PTPRQ: variants seen among roughly 807,000 people sequenced by gnomAD.
The protein encoded by PTPRQ is protein tyrosine phosphatase receptor type Q, also known as phosphatidylinositol phosphatase PTPRQ.
PTPRQ carries 199 observed loss-of-function variants against 246.0 expected under a neutral mutation model. That is an observed-to-expected ratio of 0.81 (90% CI 0.72 to 0.91). PTPRQ has a LOEUF of 0.91. PTPRQ is among the 40% of genes least tolerant of loss of function. The pLI is 0.00. For missense variants in PTPRQ, 2,624 were observed against 2,528.4 expected, an observed-to-expected ratio of 1.04 and a Z score of -0.81; for synonymous variants, 869 against 853.2, an observed-to-expected ratio of 1.02 and a Z score of -0.32.
chr12:80,608,460 T>C (rs1391396407), intron 27 of PTPRQ, among the ~76,000 whole-genome samples: 1 of 150,142 alleles, frequency 6.7e-6, no homozygotes, highest in Non-Finnish European at 1.5e-5. Context: ...TTAAATACTT[T>C]TAAAGATATA....
intron 35 of PTPRQ, among the ~76,000 whole-genome samples, chr12:80,640,988 G>GA (rs1335552558): frequency 6.6e-6 from 1 of 152,156 alleles, no homozygotes; most frequent in African/African-American, 2.4e-5. Flanking sequence ...CTGATGGGTG[G>GA]AAACTATATT....
intron 8 of PTPRQ, among the ~76,000 whole-genome samples, chr12:80,478,543 G>A (rs575108987): frequency 2.6e-5 from 4 of 152,048 alleles, no homozygotes; most frequent in African/African-American, 4.8e-5. Flanking sequence ...CGACTTTGAC[G>A]AGCTGAGAGA....
At position 80,678,652 on chromosome 12, in the gene PTPRQ, G is replaced by A. The variant is rs748297998; in HGVS notation, c.6789G>A (p.Lys2263=). The A allele has an allele frequency of 1.9e-6, 3 of 1,550,374 alleles. No individual in the cohort carries two copies. Among genetic ancestry groups the A allele is most frequent in the South Asian group, 2.4e-5 (2 of 83,944 alleles). ...GCATTCTGGATCTCTTATCAAATAAGGGAAGTAATCAGCCCATCTGTTTTG... is the reference window on the plus strand; with the variant it reads ...GCATTCTGGATCTCTTATCAAATAAAGGAAGTAATCAGCCCATCTGTTTTG... ...HQCILDLLSN[K]GSNQPICFVN... Residue 2263 remains lysine (K), a synonymous_variant, in exon 44 of 45, where the codon AAG becomes AAA. Coordinates refer to ENST00000644991, the MANE Select transcript of PTPRQ (RefSeq NM_001145026.2).
rs1218862025 is a variant in PTPRQ at position 80,510,545 on chromosome 12, A to G, written c.2678+102A>G. ...TTCAGAATGTGGTGCTACATTAGGA[A>G]CCTGATTATTAATAGGCTAGTTAAT... is the stretch of plus-strand genomic sequence containing the variant. On this transcript the variant is annotated intron_variant, in intron 17 of 44. Coordinates refer to ENST00000644991, the MANE Select transcript of PTPRQ (RefSeq NM_001145026.2). The G allele has an allele frequency of 9.2e-6, 11 of 1,193,766 alleles. 1 individual carries two copies. Among genetic ancestry groups the G allele is most frequent in the South Asian group, 8.6e-5 (3 of 35,020 alleles). 73.9% of individuals were successfully genotyped at this position (1,193,766 alleles called of 1,614,324 possible). A position where few individuals can be genotyped will look rare whatever the true frequency, so the allele number is the denominator to read the frequency against.
At chr12:80,454,449 T>G in intron 3 of PTPRQ, 1 of 607,948 alleles carries the variant, frequency 1.6e-6, no homozygotes, top group East Asian at 3.0e-5. Context: ...CAGAAATGGA[T>G]GCCTTTTATT....
At chr12:80,567,806 T>C (rs1281009620) in intron 25 of PTPRQ, among the ~76,000 whole-genome samples, 1 of 152,166 alleles carries the variant, frequency 6.6e-6, no homozygotes, top group Non-Finnish European at 1.5e-5. Flanking sequence ...TATATTTAAT[T>C]GTTCAAGAAA....
intron 26 of PTPRQ, among the ~76,000 whole-genome samples, chr12:80,603,452 C>T (rs61951079): frequency 0.017 from 2,571 of 151,744 alleles, 32 homozygotes; most frequent in South Asian, 0.06. Flanking sequence ...TCCTAAATTA[C>T]TACTTGGGCT....
In PTPRQ at chr12:80,678,722, G is replaced by C. The variant is rs944534998; in HGVS notation, c.6859G>C (p.Glu2287Gln). 1 of 1,548,314 alleles carries C rather than the reference G, an allele frequency of 6.5e-7. No individual in the cohort carries two copies. Among genetic ancestry groups the C allele is most frequent in the Non-Finnish European group, 8.7e-7 (1 of 1,145,294 alleles). ...GAAGATGGACTCTTTGGACGCCATG[G>C]AAGGTAAACAGAAACAACAGTATAT... is the stretch of plus-strand genomic sequence containing the variant. ...LQKMDSLDAMEGDVELEWEET... is the reference protein window; with the variant it reads ...LQKMDSLDAMQGDVELEWEET... The change falls in exon 44 of 45, where the codon GAA becomes CAA. Residue 2287 changes from glutamate (E) to glutamine (Q), a missense_variant. Physicochemically the swap from Glu to Gln is conservative, Grantham distance 29. Transcript: ENST00000644991.
intron 25 of PTPRQ, among the ~76,000 whole-genome samples, chr12:80,570,300 T>C (rs889213295): frequency 2.0e-5 from 3 of 152,208 alleles, no homozygotes; most frequent in Admixed American, 1.3e-4. Context: ...TGGTATCTCA[T>C]TGTAGTTTGA....
At chr12:80,485,749 G>T (rs1318614231) in intron 9 of PTPRQ, among the ~76,000 whole-genome samples, 1 of 152,150 alleles carries the variant, frequency 6.6e-6, no homozygotes, top group Non-Finnish European at 1.5e-5. Flanking sequence ...CTTTGCTCCT[G>T]CTGAGAAGGT....
At chr12:80,563,547 T>C (rs1483363842) in intron 25 of PTPRQ, among the ~76,000 whole-genome samples, 1 of 152,146 alleles carries the variant, frequency 6.6e-6, no homozygotes, top group East Asian at 1.9e-4. Flanking sequence ...ACCAAAGCAG[T>C]TTTCTTTTAT....
At chr12:80,598,085 A>G (rs191121050) in intron 26 of PTPRQ, among the ~76,000 whole-genome samples, 6 of 152,132 alleles carry the variant, frequency 3.9e-5, no homozygotes, top group East Asian at 1.9e-4. Flanking sequence ...TTAAGCATCA[A>G]ATAAGATGAT....
In PTPRQ at chr12:80,569,074, G is replaced by A. The variant is rs990168410; in HGVS notation, c.4286-19055G>A. ...CATTACTGCATTTTTCTCCTGAATT[G>A]TCTGTCTTTTTAGTACTGAGTTATA... On this transcript the variant is annotated intron_variant, in intron 25 of 44. Transcript: ENST00000644991. Among the ~76,000 whole-genome samples, 14 of 146,236 alleles carry A rather than the reference G, an allele frequency of 9.6e-5. 1 individual carries two copies. The highest frequency in any genetic ancestry group is 7.4e-3 in the Middle Eastern group (2 of 270).
chr12:80,551,307 T>C (rs985259952), intron 25 of PTPRQ, among the ~76,000 whole-genome samples: 1 of 152,130 alleles, frequency 6.6e-6, no homozygotes, highest in Non-Finnish European at 1.5e-5. Flanking sequence ...ACTCCATCTC[T>C]TCTACATACA....
chr12:80,452,976 C>A (rs1415584711), intron 3 of PTPRQ, among the ~76,000 whole-genome samples: 1 of 152,206 alleles, frequency 6.6e-6, no homozygotes, highest in Non-Finnish European at 1.5e-5. Context: ...AACTTGGTTT[C>A]ATTCTCCCCA....
chr12:80,625,141 G>A (rs1299242001), intron 33 of PTPRQ, among the ~76,000 whole-genome samples: 1 of 152,164 alleles, frequency 6.6e-6, no homozygotes, highest in Non-Finnish European at 1.5e-5. Flanking sequence ...TCATGGTTGT[G>A]AGAATGAAGG....
rs537285297 is a variant in PTPRQ at position 80,521,222 on chromosome 12, T to G, written c.2678+10779T>G. On this transcript the variant is annotated intron_variant, in intron 17 of 44. Transcript: ENST00000644991. The stretch of plus-strand genomic sequence containing the variant: ...TTGATGGGGTTGTTTGTTTTTTTCT[T>G]GTAAATTTTGTTTGAGTTCTTTGTA... Among the ~76,000 whole-genome samples the G allele has an allele frequency of 2.6e-4, 40 of 152,344 alleles. 1 individual carries two copies. Among genetic ancestry groups the G allele is most frequent in the African/African-American group, 9.6e-4 (40 of 41,588 alleles).
At chr12:80,489,819 C>A (rs1181606498) in intron 9 of PTPRQ, among the ~76,000 whole-genome samples, 1 of 152,018 alleles carries the variant, frequency 6.6e-6, no homozygotes, top group Non-Finnish European at 1.5e-5. Context: ...TTTGCTTGAA[C>A]TTCACAGTCA....
chr12:80,495,230 A>G lies in PTPRQ; in HGVS notation c.1741A>G (p.Ser581Gly). The change falls in exon 12 of 45, where the codon AGT becomes GGT. Residue 581 changes from serine to glycine, a missense_variant. Coordinates refer to ENST00000644991, the MANE Select transcript of PTPRQ (RefSeq NM_001145026.2). The part of the protein sequence containing the change: ...SIKIINYKNI[S>G]SSSILLYWDP... The stretch of plus-strand genomic sequence containing the variant: ...TAAAATTATAAACTATAAAAATATT[A>G]GTTCTTCATCTATTTTGTTATATTG... 6.5e-7 allele frequency: 1 copy of G among 1,539,016 alleles called. No homozygotes were observed. Among genetic ancestry groups the G allele is most frequent in the Non-Finnish European group, 8.7e-7 (1 of 1,142,908 alleles).
Sources: allele counts gnomAD v4.1 joint callset (sites outside exome capture counted in the v4.1 genomes callset), GRCh38; gene constraint gnomAD v4.1.1; transcripts MANE v1.5; gene names NCBI Gene and HGNC (gene_info 2026-07-23, HGNC 2026-07-21).